IFT140: variants seen among roughly 807,000 people sequenced by gnomAD.
IFT140 encodes intraflagellar transport protein 140 homolog.
Under a neutral mutation model 164.6 loss-of-function variants are expected in IFT140, and 133 were observed. The ratio of observed to expected loss-of-function variants is 0.81; its 90% CI spans 0.70 to 0.93. The LOEUF is 0.93. Ranked by LOEUF, IFT140 falls within the 40% of genes least tolerant of loss-of-function variation. The pLI, the probability that IFT140 is intolerant of heterozygous loss-of-function variation, is 0.00. For synonymous variants in IFT140, 860 were observed against 817.3 expected (o/e 1.05, Z -0.89); for missense variants, 2,045 against 1,972.3 (o/e 1.04, Z -0.70).
At chr16:1,575,364 G>C (rs1239867673) in intron 13 of IFT140, among the ~76,000 whole-genome samples, 1 of 150,300 alleles carries the variant, frequency 6.7e-6, no homozygotes, top group Non-Finnish European at 1.5e-5. Flanking sequence ...GACAGGATGA[G>C]ATCTTATCTG....
At chr16:1,526,417 C>T in intron 20 of IFT140, 4 of 632,120 alleles carry the variant, frequency 6.3e-6, no homozygotes, top group Non-Finnish European at 1.1e-5. Flanking sequence ...AGGCACACAC[C>T]CTGGAGAGCC....
rs1446855641 is a variant in IFT140 at position 1,531,960 on chromosome 16, G to C, written c.2400-5164C>G. ...GGAAGTTAGCCATTTGAAGACTCCC[G>C]AAAGATTAATGGTTTAGTTAATTAA... On this transcript the variant is annotated intron_variant, in intron 19 of 30. Coordinates refer to ENST00000426508, the MANE Select transcript of IFT140 (RefSeq NM_014714.4). This position sits in a 1 kb window ranked among gnomAD's most constrained non-coding sequence, Gnocchi z 4.7. 6.6e-6 allele frequency: 1 copy of C among 152,264 alleles called. No homozygotes were observed. Among genetic ancestry groups the C allele is most frequent in the Non-Finnish European group, 1.5e-5 (1 of 68,062 alleles). 9.4% of individuals were successfully genotyped at this position (152,264 alleles called of 1,614,324 possible).
intron 19 of IFT140, chr16:1,555,699 T>C (rs2033034059): frequency 1.3e-5 from 2 of 152,354 alleles, no homozygotes; most frequent in Non-Finnish European, 1.5e-5. Flanking sequence ...CCCGTAGGCA[T>C]ACACACTCTT....
At chr16:1,598,244 G>T (rs1388860454) in intron 4 of IFT140, among the ~76,000 whole-genome samples, 1 of 152,184 alleles carries the variant, frequency 6.6e-6, no homozygotes, top group African/African-American at 2.4e-5. Flanking sequence ...AGATCACGAG[G>T]TCAGGAGATC....
intron 19 of IFT140, among the ~76,000 whole-genome samples, chr16:1,549,975 TTTC>T (rs895633460): frequency 3.9e-5 from 6 of 152,138 alleles, no homozygotes; most frequent in African/African-American, 1.4e-4. Context: ...TTTTTTTCTT[TTTC>T]TTCTTCTCTT....
chr16:1,528,379 G>A (rs557065807), intron 19 of IFT140, among the ~76,000 whole-genome samples: 23 of 117,264 alleles, frequency 2.0e-4, no homozygotes, highest in East Asian at 5.3e-4. Flanking sequence ...ACGCATGCAC[G>A]CACGTGTGCA....
intron 4 of IFT140, 131 bp downstream of exon 4, chr16:1,602,239 C>A (rs970112525): frequency 8.8e-5 from 73 of 831,930 alleles, no homozygotes; most frequent in Admixed American, 1.2e-4. Context: ...AAAACAAAAT[C>A]TACAATTGCA....
rs758742310 is a variant in IFT140, at chr16:1,587,983, A to C, written c.852T>G (p.Ala284=). 1 of 1,613,860 alleles carries C rather than the reference A, an allele frequency of 6.2e-7. No individual in the cohort carries two copies. The highest frequency in any genetic ancestry group is 2.2e-5 in the East Asian group (1 of 44,878). The change falls in exon 8 of 31, where the codon GCT becomes GCG. Residue 284 remains alanine (A), a synonymous_variant. Coordinates refer to ENST00000426508, the MANE Select transcript of IFT140 (RefSeq NM_014714.4). ...TCACGAGAAGGCTGCCTTCAATCAA[A>C]GCGATGTCTGCCCGGCGGCCGGTTT... ...SGKTGRRADI[A]LIEGSLLVMA...
chr16:1,578,182 G>C (rs2034372767), intron 13 of IFT140: 1 of 152,042 alleles, frequency 6.6e-6, no homozygotes, highest in Non-Finnish European at 1.5e-5. Flanking sequence ...GTCCTACACA[G>C]AGGGGCCCAC....
intron 4 of IFT140, among the ~76,000 whole-genome samples, chr16:1,593,468 C>T (rs936323845): frequency 3.9e-5 from 6 of 152,070 alleles, no homozygotes; most frequent in African/African-American, 1.4e-4. Context: ...CATGCCACCA[C>T]ACCCAGCTAA....
intron 8 of IFT140, among the ~76,000 whole-genome samples, chr16:1,587,665 A>G (rs552324027): frequency 6.6e-6 from 1 of 152,298 alleles, no homozygotes; most frequent in South Asian, 2.1e-4. Flanking sequence ...AAAACCAGGC[A>G]AAGAGATTCC....
intron 4 of IFT140, among the ~76,000 whole-genome samples, chr16:1,596,568 G>A (rs2035475600): frequency 6.6e-6 from 1 of 152,192 alleles, no homozygotes; most frequent in African/African-American, 2.4e-5. Flanking sequence ...CTCTGCTCAG[G>A]AGGATGAAAG....
At chr16:1,599,657 G>A (rs1596456182) in intron 4 of IFT140, among the ~76,000 whole-genome samples, 6 of 54,186 alleles carry the variant, frequency 1.1e-4, no homozygotes, top group African/African-American at 1.1e-4. Context: ...GGTGGGGGGG[G>A]TCAGCCCCCC....
intron 12 of IFT140, 110 bp from the exon 13 acceptor site, chr16:1,580,960 G>A (rs1292331810): frequency 2.8e-6 from 2 of 723,526 alleles, no homozygotes; most frequent in Non-Finnish European, 4.9e-6. Flanking sequence ...CCTCACCACA[G>A]CTTCATAGGG....
chr16:1,605,694 G>A (rs947842248), intron 3 of IFT140, among the ~76,000 whole-genome samples: 1 of 152,066 alleles, frequency 6.6e-6, no homozygotes, highest in African/African-American at 2.4e-5. Flanking sequence ...GTGAGCCACC[G>A]CACCTGGCAC....
chr16:1,547,317 C>T (rs145260329), intron 19 of IFT140, among the ~76,000 whole-genome samples: 6 of 152,242 alleles, frequency 3.9e-5, no homozygotes, highest in South Asian at 4.1e-4. Flanking sequence ...TGTAGAAGTC[C>T]GCTCTTCGTG....
chr16:1,534,188 A>G (rs2030809428), intron 19 of IFT140: 1 of 1,539,008 alleles, frequency 6.5e-7, no homozygotes, highest in East Asian at 2.3e-5. Flanking sequence ...TCCTCTAGCC[A>G]CCCCTAGCAG....
At chr16:1,543,284 C>G (rs2031825896) in intron 19 of IFT140, among the ~76,000 whole-genome samples, 1 of 152,248 alleles carries the variant, frequency 6.6e-6, no homozygotes, top group African/African-American at 2.4e-5. Flanking sequence ...GTGAATCATT[C>G]TAGGAATAAT....
intron 22 of IFT140, 88 bp downstream of exon 22, chr16:1,525,143 G>C (rs975224447): frequency 7.9e-7 from 1 of 1,262,050 alleles, no homozygotes; most frequent in Non-Finnish European, 1.1e-6. Flanking sequence ...AGGAAGCACG[G>C]GAAAGGGAGC....
Sources: gnomAD v4.1 joint callset for allele counts (sites outside exome capture counted in the v4.1 genomes callset) on GRCh38, gnomAD v4.1.1 for gene constraint, Gnocchi (gnomAD v3.1) non-coding constraint, MANE v1.5 for transcripts, NCBI Gene and HGNC (gene_info 2026-07-23, HGNC 2026-07-21) for gene names.